Variants in RNF220 observed in about 807,000 individuals in gnomAD.
RNF220 encodes E3 ubiquitin-protein ligase RNF220.
In RNF220, 7 loss-of-function variants were observed where a neutral mutation model predicts 67.1. The observed-to-expected ratio is 0.10, with a 90% CI of 0.06 to 0.20. The LOEUF is 0.20. Among genes scored for constraint, RNF220 ranks in the 10% least tolerant of loss-of-function variants. RNF220 has a pLI of 1.00. For synonymous variants in RNF220, 270 were observed against 283.2 expected (o/e 0.95, Z 0.47); for missense variants, 565 against 740.3 (o/e 0.76, Z 2.75).
At chr1:44,557,816 C>G (rs1663238996) in intron 2 of RNF220, among the ~76,000 whole-genome samples, 1 of 151,958 alleles carries the variant, frequency 6.6e-6, no homozygotes, top group African/African-American at 2.4e-5. Context: ...TAGTCACCTT[C>G]TCTACACCAT....
At chr1:44,516,769 G>A (rs1659481760) in intron 2 of RNF220, among the ~76,000 whole-genome samples, 1 of 152,144 alleles carries the variant, frequency 6.6e-6, no homozygotes, top group Non-Finnish European at 1.5e-5. Flanking sequence ...GTGTTTCAGA[G>A]AGATGAATGA....
chr1:44,434,057 T>C (rs1650690586), intron 2 of RNF220, among the ~76,000 whole-genome samples: 1 of 152,228 alleles, frequency 6.6e-6, no homozygotes, highest in African/African-American at 2.4e-5. Context: ...GACTGATTAT[T>C]ACATGATTAG....
At chr1:44,567,598 CA>C (rs1432073968) in intron 2 of RNF220, among the ~76,000 whole-genome samples, 3 of 151,854 alleles carry the variant, frequency 2.0e-5, no homozygotes, top group Non-Finnish European at 4.4e-5. Flanking sequence ...CTTACTGGGG[CA>C]GGGGTGGGAG....
chr1:44,510,516 G>A (rs1310129263), intron 2 of RNF220, among the ~76,000 whole-genome samples: 3 of 152,110 alleles, frequency 2.0e-5, no homozygotes. Flanking sequence ...TGTCTAATAC[G>A]CAGGCTTTGC....
At chr1:44,580,562 G>A (rs565548236) in intron 2 of RNF220, among the ~76,000 whole-genome samples, 1 of 152,216 alleles carries the variant, frequency 6.6e-6, no homozygotes, top group African/African-American at 2.4e-5. Flanking sequence ...CAAGCTGTGT[G>A]TGAACTTTCT....
intron 2 of RNF220, among the ~76,000 whole-genome samples, chr1:44,597,965 C>T (rs1366690692): frequency 1.3e-4 from 19 of 141,520 alleles, no homozygotes; most frequent in East Asian, 4.3e-4. Flanking sequence ...ACCCCACCCA[C>T]CTCTCTCTCT....
At chr1:44,574,863 GTT>G (rs5773842) in intron 2 of RNF220, among the ~76,000 whole-genome samples, 10 of 149,924 alleles carry the variant, frequency 6.7e-5, no homozygotes, top group Non-Finnish European at 1.2e-4. Context: ...TTGCATTTGT[GTT>G]TTTTTTTTAT....
chr1:44,447,182 C>T (rs1308885313), intron 2 of RNF220, among the ~76,000 whole-genome samples: 5 of 152,142 alleles, frequency 3.3e-5, no homozygotes, highest in Non-Finnish European at 1.5e-5. Context: ...ACGATATGTA[C>T]AGCAGTATAT....
intron 2 of RNF220, among the ~76,000 whole-genome samples, chr1:44,601,607 G>A (rs1414556433): frequency 6.6e-6 from 1 of 152,190 alleles, no homozygotes; most frequent in African/African-American, 2.4e-5. Flanking sequence ...AGGGAGGTGA[G>A]AGTAGATCCA....
At chr1:44,447,456 T>C (rs994360001) in intron 2 of RNF220, among the ~76,000 whole-genome samples, 6 of 152,236 alleles carry the variant, frequency 3.9e-5, no homozygotes, top group African/African-American at 1.4e-4. Flanking sequence ...GTCACTAGCA[T>C]CTATGTTCTG....
chr1:44,546,495 C>T (rs907703891), intron 2 of RNF220, among the ~76,000 whole-genome samples: 1 of 152,144 alleles, frequency 6.6e-6, no homozygotes, highest in Non-Finnish European at 1.5e-5. Context: ...GGGTCCCCAG[C>T]CTGATTGAAT....
intron 12 of RNF220, among the ~76,000 whole-genome samples, chr1:44,646,551 A>C (rs1644654457): frequency 1.3e-5 from 2 of 152,216 alleles, no homozygotes; most frequent in Admixed American, 6.5e-5. Context: ...CTCCTACTCC[A>C]GCTGAGCAGG....
At chr1:44,486,335 A>C (rs1324420386) in intron 2 of RNF220, among the ~76,000 whole-genome samples, 1 of 152,230 alleles carries the variant, frequency 6.6e-6, no homozygotes, top group Admixed American at 6.5e-5. Context: ...CCAGAGCTTC[A>C]AAGTCAGAGA....
rs903718942 is a variant in RNF220, at chr1:44,484,175, G to A, written c.625+71453G>A. ...CCTTTTTAGAAGGCAGTCACATAGC[G>A]GTGCCTTTGGAATTCAGGTTGAGCC... is the stretch of plus-strand genomic sequence containing the variant. On this transcript the variant is annotated intron_variant, in intron 2 of 14. Transcript: ENST00000361799. Among the ~76,000 whole-genome samples the A allele has an allele frequency of 3.2e-4, 48 of 152,096 alleles. 1 individual carries two copies. The highest frequency in any genetic ancestry group is 1.6e-3 in the Admixed American group (25 of 15,272).
chr1:44,580,030 C>CAAAAAAA (rs61499825), intron 2 of RNF220, among the ~76,000 whole-genome samples: 66 of 65,248 alleles, frequency 1.0e-3, no homozygotes, highest in Non-Finnish European at 1.3e-3. Flanking sequence ...CCCTGTCTCA[C>CAAAAAAA]AAAAAAAAAA....
rs570768284 is a variant in RNF220 at position 44,491,713 on chromosome 1, G to T, written c.625+78991G>T. Among the ~76,000 whole-genome samples the T allele has an allele frequency of 3.3e-5, 5 of 151,986 alleles. No homozygotes were observed. The South Asian group carries it at 1.0e-3, about 32-fold the overall frequency. ...AGGTCTCACTCTGTCGTCCAGGCTG[G>T]AGTGCAGTGGCATGATCTCAGCTCA... On this transcript the variant is annotated intron_variant, in intron 2 of 14. Transcript: ENST00000361799.
intron 1 of RNF220, among the ~76,000 whole-genome samples, chr1:44,406,171 C>G (rs1437772323): frequency 6.6e-6 from 1 of 152,196 alleles, no homozygotes; most frequent in Non-Finnish European, 1.5e-5. Context: ...GGCTGTTTAG[C>G]CCTGGACCCC....
In RNF220 at chr1:44,649,577, G is replaced by T; in HGVS notation, c.1446-84G>T. On this transcript the variant is annotated intron_variant, in intron 12 of 14. Transcript: ENST00000361799. This position sits in a 1 kb window ranked among gnomAD's most constrained non-coding sequence, Gnocchi z 5.9. ...TGCCTAGGGGACATTTATGTATTTG[G>T]TTCTGGAATTCAAGGGAGGCGTAGG... The T allele has an allele frequency of 7.9e-7, 1 of 1,270,110 alleles. No homozygotes were observed. Among genetic ancestry groups the T allele is most frequent in the Non-Finnish European group, 1.1e-6 (1 of 874,530 alleles). The allele number at this position is 1,270,110 out of a possible 1,614,324, so 78.7% of individuals were successfully genotyped here.
intron 5 of RNF220, among the ~76,000 whole-genome samples, chr1:44,629,983 C>G (rs1330074103): frequency 6.6e-6 from 1 of 152,236 alleles, no homozygotes; most frequent in African/African-American, 2.4e-5. Context: ...CAGAGACTAG[C>G]TGGGTATCCC....
Sources: allele counts gnomAD v4.1 joint callset (sites outside exome capture counted in the v4.1 genomes callset), GRCh38; gene constraint gnomAD v4.1.1; non-coding constraint Gnocchi (gnomAD v3.1); transcripts MANE v1.5; gene names NCBI Gene and HGNC (gene_info 2026-07-23, HGNC 2026-07-21).